The following RAD51B variants were observed in gnomAD, a reference collection of about 807,000 sequenced individuals.
RAD51B encodes DNA repair protein RAD51 homolog 2.
In RAD51B, 38 loss-of-function variants were observed where a neutral mutation model predicts 42.2. That is an observed-to-expected ratio of 0.90 (90% CI 0.70 to 1.18). The LOEUF (loss-of-function observed/expected upper bound fraction) is 1.18. RAD51B is among the 50% of genes most tolerant of loss of function. The pLI is 0.00. For missense variants in RAD51B, 373 were observed against 400.7 expected, an observed-to-expected ratio of 0.93 and a Z score of 0.59; for synonymous variants, 154 against 145.2, an observed-to-expected ratio of 1.06 and a Z score of -0.43.
intron 7 of RAD51B, among the ~76,000 whole-genome samples, chr14:68,050,645 C>G (rs1343203381): frequency 1.3e-5 from 2 of 152,124 alleles, no homozygotes; most frequent in Non-Finnish European, 2.9e-5. Flanking sequence ...ATACTGCTTT[C>G]TCATGAATAT....
At chr14:68,494,810 A>T (rs1884377465) in intron 10 of RAD51B, among the ~76,000 whole-genome samples, 1 of 152,052 alleles carries the variant, frequency 6.6e-6, no homozygotes, top group Admixed American at 6.5e-5. Context: ...GGGAAAGTTT[A>T]CTAGATGTAG....
At chr14:68,582,555 G>A (rs928652052) in intron 10 of RAD51B, among the ~76,000 whole-genome samples, 1 of 152,178 alleles carries the variant, frequency 6.6e-6, no homozygotes, top group Non-Finnish European at 1.5e-5. Flanking sequence ...CACTGTTGAT[G>A]GGAGTATAAT....
chr14:67,868,621 C>T (rs1445860392), intron 5 of RAD51B, among the ~76,000 whole-genome samples: 2 of 152,230 alleles, frequency 1.3e-5, no homozygotes, highest in Non-Finnish European at 2.9e-5. Flanking sequence ...GTAGGCTCCA[C>T]CTCTGGGGGC....
intron 7 of RAD51B, among the ~76,000 whole-genome samples, chr14:68,282,534 CACAG>C (rs1415832837): frequency 6.6e-6 from 1 of 152,166 alleles, no homozygotes; most frequent in African/African-American, 2.4e-5. Flanking sequence ...TAAGTACAGA[CACAG>C]ACAGCATTGC....
In RAD51B at chr14:68,260,319, G is replaced by GT. The variant is rs1555383057; in HGVS notation, c.757-31565_757-31564insT. 2.1e-4 allele frequency among the ~76,000 whole-genome samples: 29 copies of GT among 136,262 alleles called. 5 individuals carry two copies. Among genetic ancestry groups the GT allele is most frequent in the African/African-American group, 8.3e-4 (24 of 28,854 alleles). The allele number at this position is 136,262 out of a possible 152,430, so 89.4% of individuals were successfully genotyped here. A position where few individuals can be genotyped will look rare whatever the true frequency, so the allele number is the denominator to read the frequency against. On this transcript the variant is annotated intron_variant, in intron 7 of 10. Coordinates refer to ENST00000471583, the MANE Select transcript of RAD51B (RefSeq NM_133510.4). ...AGACCGTGTGTGTGTGTGTGTGTGT[G>GT]GAGAGGGGAAGACAGCGGGGGTAGA... is the stretch of plus-strand genomic sequence containing the variant.
At chr14:68,662,988 T>G (rs1336191080) in intron 11 of RAD51B, among the ~76,000 whole-genome samples, 1 of 152,148 alleles carries the variant, frequency 6.6e-6, no homozygotes, top group Non-Finnish European at 1.5e-5. Context: ...GTTCTGCCAG[T>G]GGGAGGCACC....
At chr14:68,111,961 C>A (rs1412867541) in intron 7 of RAD51B, among the ~76,000 whole-genome samples, 1 of 152,046 alleles carries the variant, frequency 6.6e-6, no homozygotes, top group Admixed American at 6.6e-5. Context: ...CCATGTGTTC[C>A]CATGGCTTAT....
At chr14:68,334,923 A>G (rs976404529) in intron 8 of RAD51B, among the ~76,000 whole-genome samples, 1 of 145,464 alleles carries the variant, frequency 6.9e-6, no homozygotes, top group African/African-American at 2.5e-5. Flanking sequence ...TTTATGATAT[A>G]TATACACACA....
At chr14:68,616,497 A>G (rs1280071179), downstream of RAD51B, among the ~76,000 whole-genome samples, 1 of 152,052 alleles carries the variant, frequency 6.6e-6, no homozygotes, top group Non-Finnish European at 1.5e-5. Context: ...CTTTTTTCAG[A>G]CTACTTTTAA....
chr14:68,329,809 G>A (rs1468714511), intron 8 of RAD51B, among the ~76,000 whole-genome samples: 11 of 152,042 alleles, frequency 7.2e-5, no homozygotes, highest in Admixed American at 3.9e-4. Context: ...GTGAAACCCC[G>A]TCTCTACTAA....
intron 7 of RAD51B, among the ~76,000 whole-genome samples, chr14:68,063,925 T>C (rs545513430): frequency 6.6e-6 from 1 of 152,314 alleles, no homozygotes; most frequent in South Asian, 2.1e-4. Context: ...TTTTCTGCTG[T>C]TTTATATGTC....
chr14:68,155,078 A>G (rs1425164175), intron 7 of RAD51B, among the ~76,000 whole-genome samples: 1 of 152,168 alleles, frequency 6.6e-6, no homozygotes, highest in Non-Finnish European at 1.5e-5. Flanking sequence ...AGATTACTGA[A>G]TTTTGGGGGG....
chr14:67,936,536 T>C (rs749452336), intron 7 of RAD51B, among the ~76,000 whole-genome samples: 20 of 152,360 alleles, frequency 1.3e-4, no homozygotes, highest in Non-Finnish European at 1.5e-4. Context: ...TTGGGTATTA[T>C]GAATAATGCA....
intron 7 of RAD51B, among the ~76,000 whole-genome samples, chr14:68,269,217 C>T (rs1382519329): frequency 6.6e-6 from 1 of 152,212 alleles, no homozygotes; most frequent in Non-Finnish European, 1.5e-5. Flanking sequence ...GTGTTTGACT[C>T]CTCACAATCA....
At chr14:68,047,946 G>C (rs1333102217) in intron 7 of RAD51B, among the ~76,000 whole-genome samples, 9 of 152,116 alleles carry the variant, frequency 5.9e-5, no homozygotes, top group African/African-American at 1.2e-4. Flanking sequence ...ATGTTATCTA[G>C]TGTTTAGTGT....
At chr14:68,650,856 G>C (rs762076475) in exon 11 of RAD51B, 2 of 755,240 alleles carry the variant, frequency 2.6e-6, no homozygotes, top group South Asian at 1.4e-5. Flanking sequence ...GATTGCTACA[G>C]GTATGAACAA....
chr14:68,477,083 C>T (rs1594892486), intron 10 of RAD51B, among the ~76,000 whole-genome samples: 1 of 152,198 alleles, frequency 6.6e-6, no homozygotes, highest in South Asian at 2.1e-4. Flanking sequence ...ACATGACCCC[C>T]TGAGGCTTGC....
intron 7 of RAD51B, among the ~76,000 whole-genome samples, chr14:68,287,267 T>C (rs999106710): frequency 6.6e-6 from 1 of 152,176 alleles, no homozygotes; most frequent in East Asian, 1.9e-4. Context: ...GGACTCAAGG[T>C]CTATGTGACA....
chr14:68,343,225 TC>T (rs1457379398), intron 8 of RAD51B, among the ~76,000 whole-genome samples: 5 of 152,210 alleles, frequency 3.3e-5, no homozygotes, highest in African/African-American at 1.2e-4. Context: ...CAATTTGAGC[TC>T]CTTATATATT....
Sources: allele counts gnomAD v4.1 joint callset (sites outside exome capture counted in the v4.1 genomes callset), GRCh38; gene constraint gnomAD v4.1.1; transcripts MANE v1.5; gene names NCBI Gene and HGNC (gene_info 2026-07-23, HGNC 2026-07-21).